IPO11: variants seen among roughly 807,000 people sequenced by gnomAD.
IPO11 encodes the protein importin 11.
A neutral mutation model predicts 143.2 loss-of-function variants in IPO11; 66 were observed. The ratio of observed to expected loss-of-function variants is 0.46; its 90% CI spans 0.38 to 0.57. The LOEUF is 0.57. Among genes scored for constraint, IPO11 ranks in the 20% least tolerant of loss-of-function variants. The probability of loss-of-function intolerance (pLI) is 0.00; values close to 1 mark genes in which losing one functional copy is unlikely to be tolerated. For missense variants in IPO11, 1,026 were observed against 1,141.0 expected, an observed-to-expected ratio of 0.90 and a Z score of 1.45; for synonymous variants, 385 against 377.8, an observed-to-expected ratio of 1.02 and a Z score of -0.22.
At chr5:62,431,867 G>A (rs1279362166) in intron 1 of IPO11, among the ~76,000 whole-genome samples, 1 of 152,036 alleles carries the variant, frequency 6.6e-6, no homozygotes, top group Non-Finnish European at 1.5e-5. Context: ...CTTGAGCCCA[G>A]GAGGCAGAAG....
At chr5:62,532,116 A>T (rs962932529) in intron 22 of IPO11, among the ~76,000 whole-genome samples, 1 of 152,178 alleles carries the variant, frequency 6.6e-6, no homozygotes, top group African/African-American at 2.4e-5. Flanking sequence ...GCTTCCACAT[A>T]TGTGTGATTT....
intron 22 of IPO11, among the ~76,000 whole-genome samples, chr5:62,535,026 T>TATTTATTA (rs913827719): frequency 7.0e-6 from 1 of 143,386 alleles, no homozygotes; most frequent in African/African-American, 2.6e-5. Context: ...AATATTTATT[T>TATTTATTA]ATTTATTTAT....
intron 7 of IPO11, 23 bp downstream of exon 7, chr5:62,470,331 T>C (rs1345294080): frequency 1.2e-6 from 2 of 1,608,756 alleles, no homozygotes; most frequent in Non-Finnish European, 8.5e-7. Context: ...AGAAATTTGC[T>C]GTGACTTTGG....
At chr5:62,471,925 G>A (rs1222113113) in intron 7 of IPO11, among the ~76,000 whole-genome samples, 2 of 152,182 alleles carry the variant, frequency 1.3e-5, no homozygotes, top group Non-Finnish European at 2.9e-5. Context: ...AATTGAAAAT[G>A]TTGGGTTAAG....
At chr5:62,572,853 G>T (rs1433905563) in intron 27 of IPO11, among the ~76,000 whole-genome samples, 2 of 152,164 alleles carry the variant, frequency 1.3e-5, no homozygotes, top group Non-Finnish European at 2.9e-5. Flanking sequence ...AATATGCTGG[G>T]ATTGCAGGTG....
At position 62,412,819 on chromosome 5, in the gene IPO11, C is replaced by T. The variant is rs774468101; in HGVS notation, c.-117C>T. ...TGTTCCTAGAAGCCGCTTTCGGCAT[C>T]AGTAGGCGGCGGCGTGGGGTCTGGC... On this transcript the variant is annotated 5_prime_UTR_variant, in exon 1 of 30. Coordinates refer to ENST00000325324, the MANE Select transcript of IPO11 (RefSeq NM_016338.5). 6.5e-6 allele frequency: 1 copy of T among 152,714 alleles called. No individual in the cohort carries two copies. Among genetic ancestry groups the T allele is most frequent in the South Asian group, 2.1e-4 (1 of 4,836 alleles). The allele number at this position is 152,714 out of a possible 1,614,324, so 9.5% of individuals were successfully genotyped here.
Position 62,627,449 on chromosome 5 carries a change from C to A in IPO11, c.*131C>A, listed in dbSNP as rs1289784333. 6.3e-6 allele frequency: 5 copies of A among 793,404 alleles called. No homozygotes were observed. Among genetic ancestry groups the A allele is most frequent in the Non-Finnish European group, 9.9e-6 (5 of 507,550 alleles). The allele number at this position is 793,404 out of a possible 1,614,324, so 49.1% of individuals were successfully genotyped here. On this transcript the variant is annotated 3_prime_UTR_variant, in exon 30 of 30. Transcript: ENST00000325324. ...ATAAGCAAAGACCACACATTTTTTA[C>A]TACAAAATGTAAAGGATAAATGTAA...
intron 28 of IPO11, among the ~76,000 whole-genome samples, chr5:62,594,637 G>A (rs931792740): frequency 5.3e-5 from 8 of 152,166 alleles, no homozygotes; most frequent in African/African-American, 1.7e-4. Flanking sequence ...AGATTGCTGG[G>A]CACTCAGTAT....
intron 24 of IPO11, 78 bp downstream of exon 24, chr5:62,537,367 G>C (rs1052007297): frequency 1.0e-6 from 1 of 968,714 alleles, no homozygotes; most frequent in Non-Finnish European, 1.6e-6. Flanking sequence ...CATTTGGATG[G>C]TTCGCAAGAA....
At chr5:62,564,257 A>G (rs1438660811) in intron 27 of IPO11, among the ~76,000 whole-genome samples, 1 of 151,846 alleles carries the variant, frequency 6.6e-6, no homozygotes, top group Admixed American at 6.6e-5. Flanking sequence ...AGGAAGATTT[A>G]TAGTCACATA....
intron 2 of IPO11, among the ~76,000 whole-genome samples, chr5:62,438,699 C>T (rs1402764623): frequency 6.6e-6 from 1 of 150,424 alleles, no homozygotes; most frequent in African/African-American, 2.4e-5. Context: ...TTGCAGTGAG[C>T]TGAGATCGTG....
intron 5 of IPO11, among the ~76,000 whole-genome samples, chr5:62,453,523 A>G (rs1222379552): frequency 6.9e-6 from 1 of 144,544 alleles, no homozygotes; most frequent in Non-Finnish European, 1.5e-5. Flanking sequence ...TTCACAAAGA[A>G]TTGGCCAACT....
intron 29 of IPO11, among the ~76,000 whole-genome samples, chr5:62,607,301 C>G (rs1580381563): frequency 1.3e-5 from 2 of 152,228 alleles, no homozygotes; most frequent in South Asian, 4.2e-4. Flanking sequence ...GAAACTATTT[C>G]ATAAGGTTTT....
rs534803958 is a variant in IPO11, at chr5:62,425,565, G to A, written c.-6-11709G>A. Among the ~76,000 whole-genome samples, 3 of 152,160 alleles carry A rather than the reference G, an allele frequency of 2.0e-5. 1 individual carries two copies. Among genetic ancestry groups the A allele is most frequent in the African/African-American group, 7.2e-5 (3 of 41,516 alleles). ...ACTCCTGACCTCAGGTGATCCACCC[G>A]CCCCGGCCTCCTAAAGTGCTGGGAT... On this transcript the variant is annotated intron_variant, in intron 1 of 29. Coordinates refer to ENST00000325324, the MANE Select transcript of IPO11 (RefSeq NM_016338.5).
chr5:62,515,339 C>T (rs746700213), intron 19 of IPO11, 49 bp from the exon 20 acceptor site: 2 of 1,290,760 alleles, frequency 1.5e-6, no homozygotes, highest in Non-Finnish European at 2.2e-6. Flanking sequence ...AGTAAATTGC[C>T]TTCTTTACCA....
intron 27 of IPO11, among the ~76,000 whole-genome samples, chr5:62,589,189 A>G (rs1744921185): frequency 6.6e-6 from 1 of 151,996 alleles, no homozygotes; most frequent in African/African-American, 2.4e-5. Context: ...TCCCTCAGCC[A>G]AAAAACACCC....
chr5:62,547,203 A>C (rs1422749860), intron 24 of IPO11, among the ~76,000 whole-genome samples: 4 of 152,122 alleles, frequency 2.6e-5, no homozygotes, highest in Non-Finnish European at 5.9e-5. Flanking sequence ...CAGTAGTATT[A>C]TTGTCATCAG....
At chr5:62,608,526 C>T (rs1285238031) in intron 29 of IPO11, among the ~76,000 whole-genome samples, 1 of 152,220 alleles carries the variant, frequency 6.6e-6, no homozygotes, top group East Asian at 1.9e-4. Flanking sequence ...CATTCTATCT[C>T]CTTCACTGGC....
chr5:62,476,846 TTAGTG>T (rs1745977290), intron 9 of IPO11, 93 bp downstream of exon 9: 1 of 1,294,374 alleles, frequency 7.7e-7, no homozygotes, highest in Admixed American at 3.4e-5. Flanking sequence ...CATTTTCACT[TTAGTG>T]TAAGGAAACC....
Sources: gnomAD v4.1 joint callset for allele counts (sites outside exome capture counted in the v4.1 genomes callset) on GRCh38, gnomAD v4.1.1 for gene constraint, MANE v1.5 for transcripts, NCBI Gene and HGNC (gene_info 2026-07-23, HGNC 2026-07-21) for gene names.